Variants in PPP2R1B observed in about 807,000 individuals in gnomAD.
PPP2R1B encodes protein phosphatase 2 scaffold subunit Abeta.
Under a neutral mutation model 72.7 loss-of-function variants are expected in PPP2R1B, and 58 were observed. The ratio of observed to expected loss-of-function variants is 0.80; its 90% confidence interval spans 0.65 to 0.99. PPP2R1B has a LOEUF of 0.99. Ranked by LOEUF, PPP2R1B falls within the 50% of genes least tolerant of loss-of-function variation. PPP2R1B has a pLI of 0.00. For synonymous variants in PPP2R1B, 256 were observed against 264.6 expected (o/e 0.97, Z 0.32); for missense variants, 695 against 733.6 (o/e 0.95, Z 0.61).
intron 10 of PPP2R1B, among the ~76,000 whole-genome samples, chr11:111,751,492 T>C (rs782814640): frequency 2.0e-5 from 3 of 152,238 alleles, no homozygotes; most frequent in Non-Finnish European, 4.4e-5. Flanking sequence ...CCAAAACTTT[T>C]TGAGCACTGA....
chr11:111,755,731 A>AG (rs1275227963), intron 5 of PPP2R1B, among the ~76,000 whole-genome samples: 1 of 151,862 alleles, frequency 6.6e-6, no homozygotes, highest in Admixed American at 6.6e-5. Context: ...CTGGGATTAC[A>AG]GGCAGGAGCC....
chr11:111,712,390 G>T, the PPP2R1B span: 1 of 1,608,244 alleles, frequency 6.2e-7, no homozygotes, highest in Admixed American at 1.7e-5. Flanking sequence ...GGCTATGTTT[G>T]AGAGTCTCAG....
chr11:111,731,644 G>T (rs1248358510), intron 15 of PPP2R1B, among the ~76,000 whole-genome samples: 1 of 152,228 alleles, frequency 6.6e-6, no homozygotes, highest in Non-Finnish European at 1.5e-5. Flanking sequence ...GGGGTGAGCC[G>T]CTGGTCTCTG....
At chr11:111,741,822 G>A (rs905041135) in intron 14 of PPP2R1B, among the ~76,000 whole-genome samples, 8 of 152,162 alleles carry the variant, frequency 5.3e-5, no homozygotes, top group South Asian at 2.1e-4. Flanking sequence ...AGTGAGAATC[G>A]TATTTCCTAC....
At chr11:111,703,094 G>A in the PPP2R1B span, 4 of 894,500 alleles carry the variant, frequency 4.5e-6, no homozygotes, top group African/African-American at 6.6e-5. Context: ...CTGCTTTCCA[G>A]TAGAGGATAC....
rs889130167 is a variant in PPP2R1B at position 111,740,559 on chromosome 11, C to T, written c.*1037G>A. 6 of 984,724 alleles carry T rather than the reference C, an allele frequency of 6.1e-6. No individual in the cohort carries two copies. Among genetic ancestry groups the T allele is most frequent in the Non-Finnish European group, 3.6e-6 (3 of 829,424 alleles). The allele number at this position is 984,724 out of a possible 1,614,324, so 61.0% of individuals were successfully genotyped here. ...TGCTTCAGTAAACTCTTCAGCTTAA[C>T]TCATTATCTTAAATTTCAGAATTAA... On this transcript the variant is annotated 3_prime_UTR_variant, in exon 15 of 15. Transcript: ENST00000527614.
chr11:111,698,094 G>A, the PPP2R1B span, among the ~76,000 whole-genome samples: 10 of 152,186 alleles, frequency 6.6e-5, no homozygotes, highest in African/African-American at 1.7e-4. Flanking sequence ...ACAGCTTAGT[G>A]AGCCTGTCTT....
At chr11:111,726,312 C>A (rs1053516262), downstream of PPP2R1B, 2 of 152,394 alleles carry the variant, frequency 1.3e-5, no homozygotes, top group South Asian at 4.1e-4. Context: ...GCCCAGGAGA[C>A]CTGGGAGCTA....
the PPP2R1B span, among the ~76,000 whole-genome samples, chr11:111,697,408 A>G: frequency 6.6e-6 from 1 of 152,216 alleles, no homozygotes; most frequent in Non-Finnish European, 1.5e-5. Context: ...CTCCCGAGGA[A>G]CTTAGTCTGA....
chr11:111,759,778 C>T, intron 5 of PPP2R1B, 26 bp downstream of exon 5: 1 of 1,589,776 alleles, frequency 6.3e-7, no homozygotes, highest in Non-Finnish European at 8.6e-7. Flanking sequence ...ATATCTGTGT[C>T]CCTTAAATAC....
the PPP2R1B span, among the ~76,000 whole-genome samples, chr11:111,710,450 T>C: frequency 1.3e-5 from 2 of 152,266 alleles, no homozygotes; most frequent in African/African-American, 4.8e-5. Context: ...AAATATAAAG[T>C]ATGTTGAAAA....
chr11:111,762,564 T>TC (rs1365342384), intron 3 of PPP2R1B, among the ~76,000 whole-genome samples: 2 of 151,402 alleles, frequency 1.3e-5, no homozygotes, highest in African/African-American at 4.9e-5. Context: ...TTTTTTTTTT[T>TC]TTTTTTTAAG....
chr11:111,700,781 A>G, the PPP2R1B span: 1 of 1,373,512 alleles, frequency 7.3e-7, no homozygotes, highest in African/African-American at 1.4e-5. Context: ...CTCACAGTAA[A>G]TAGTAGTGAT....
the PPP2R1B span, among the ~76,000 whole-genome samples, chr11:111,715,104 C>T: frequency 6.6e-6 from 1 of 152,196 alleles, no homozygotes; most frequent in Non-Finnish European, 1.5e-5. Context: ...AAGATATAGA[C>T]AGGAGCTAGA....
At chr11:111,711,801 G>GTA in the PPP2R1B span, among the ~76,000 whole-genome samples, 1 of 152,170 alleles carries the variant, frequency 6.6e-6, no homozygotes, top group Non-Finnish European at 1.5e-5. Context: ...TTGTGGGTGT[G>GTA]TATATATCTG....
downstream of PPP2R1B, chr11:111,726,874 T>G: frequency 2.1e-4 from 242 of 1,157,510 alleles, no homozygotes; most frequent in Non-Finnish European, 2.9e-4. Context: ...GAGACTTTGG[T>G]GAGATGAACG....
At chr11:111,699,212 C>T in the PPP2R1B span, among the ~76,000 whole-genome samples, 1 of 152,126 alleles carries the variant, frequency 6.6e-6, no homozygotes, top group Non-Finnish European at 1.5e-5. Flanking sequence ...TCCTGGATAC[C>T]AAAGGCAGAC....
At chr11:111,726,076 A>C (rs1943956756), downstream of PPP2R1B, 2 of 152,336 alleles carry the variant, frequency 1.3e-5, no homozygotes, top group Middle Eastern at 6.8e-3. Flanking sequence ...TAAGATCTCT[A>C]ATCTGTTTTG....
At position 111,752,069 on chromosome 11, in the gene PPP2R1B, A is replaced by G. The variant is rs115446499; in HGVS notation, c.1338+90T>C. The G allele has an allele frequency of 4.3e-3, 5,810 of 1,360,452 alleles. 214 individuals are homozygous for G. In the African/African-American group the frequency reaches 0.074, roughly 17 times the overall value. 84.3% of individuals were successfully genotyped at this position (1,360,452 alleles called of 1,614,324 possible). ...TACTTTCATGCATCTAAACAAACAT[A>G]AGCATACAGGCTACTAGGCCTCCTA... On this transcript the variant is annotated intron_variant, in intron 10 of 14. Coordinates refer to ENST00000527614, the MANE Select transcript of PPP2R1B (RefSeq NM_002716.5).
Sources: gnomAD v4.1 joint callset for allele counts (sites outside exome capture counted in the v4.1 genomes callset) on GRCh38, gnomAD v4.1.1 for gene constraint, MANE v1.5 for transcripts, NCBI Gene and HGNC (gene_info 2026-07-23, HGNC 2026-07-21) for gene names.